Variants in UMAD1 observed in about 807,000 individuals in gnomAD.
The protein encoded by UMAD1 is UBAP1-MVB12-associated (UMA)-domain containing protein 1.
A neutral mutation model predicts 6.1 loss-of-function variants in UMAD1; 8 were observed. The ratio of observed to expected loss-of-function variants is 1.30; its 90% CI spans 0.76 to 2.35. The LOEUF (loss-of-function observed/expected upper bound fraction) is 2.35. Ranked by LOEUF, UMAD1 falls within the 30% of genes most tolerant of loss-of-function variation. The probability of loss-of-function intolerance (pLI) is 0.00; values close to 1 mark genes in which losing one functional copy is unlikely to be tolerated. For synonymous variants in UMAD1, 56 were observed against 31.4 expected (o/e 1.78, Z -2.61); for missense variants, 130 against 78.4 (o/e 1.66, Z -2.49).
chr7:7,848,408 A>G (rs1302350995), intron 3 of UMAD1, among the ~76,000 whole-genome samples: 1 of 152,128 alleles, frequency 6.6e-6, no homozygotes, highest in African/African-American at 2.4e-5. Flanking sequence ...TTCCTGCAGG[A>G]AGTCTTCACT....
At chr7:7,697,269 TTCTA>T (rs1780344007) in intron 2 of UMAD1, among the ~76,000 whole-genome samples, 1 of 152,372 alleles carries the variant, frequency 6.6e-6, no homozygotes, top group African/African-American at 2.4e-5. Flanking sequence ...GAATGATATC[TTCTA>T]TCTAATTATT....
chr7:7,810,236 A>G (rs1782996089), intron 3 of UMAD1, among the ~76,000 whole-genome samples: 1 of 152,064 alleles, frequency 6.6e-6, no homozygotes, highest in Non-Finnish European at 1.5e-5. Context: ...TACAAATATA[A>G]TGGATATTGC....
intron 3 of UMAD1, among the ~76,000 whole-genome samples, chr7:7,825,560 A>G (rs183410357): frequency 7.9e-5 from 12 of 152,260 alleles, no homozygotes; most frequent in Non-Finnish European, 1.2e-4. Context: ...ATCAGATCTC[A>G]TGAGACTTAT....
chr7:7,732,811 G>T (rs1781282405), intron 2 of UMAD1, among the ~76,000 whole-genome samples: 1 of 152,108 alleles, frequency 6.6e-6, no homozygotes, highest in South Asian at 2.1e-4. Context: ...TGAGTAGATG[G>T]GCACTAAAAC....
intron 3 of UMAD1, among the ~76,000 whole-genome samples, chr7:7,871,599 T>C (rs920140687): frequency 1.1e-4 from 16 of 152,208 alleles, no homozygotes; most frequent in Non-Finnish European, 2.2e-4. Flanking sequence ...TATATGCTAG[T>C]TGCTGTCTTG....
chr7:7,809,304 T>C (rs1481047369), intron 3 of UMAD1, among the ~76,000 whole-genome samples: 1 of 152,012 alleles, frequency 6.6e-6, no homozygotes, highest in Non-Finnish European at 1.5e-5. Flanking sequence ...CTTGAGTTCT[T>C]TTGAGCTAGG....
intron 1 of UMAD1, among the ~76,000 whole-genome samples, chr7:7,669,005 G>A (rs1312845119): frequency 6.6e-6 from 1 of 151,998 alleles, no homozygotes; most frequent in Non-Finnish European, 1.5e-5. Context: ...CTGGAGTACT[G>A]GGGAGAAAAC....
chr7:7,857,339 A>C (rs1485158214), intron 3 of UMAD1, among the ~76,000 whole-genome samples: 1 of 152,196 alleles, frequency 6.6e-6, no homozygotes, highest in African/African-American at 2.4e-5. Flanking sequence ...TTCAGGAATC[A>C]TGTTAAGTGG....
intron 2 of UMAD1, among the ~76,000 whole-genome samples, chr7:7,713,741 C>T (rs955453330): frequency 6.6e-6 from 1 of 152,046 alleles, no homozygotes; most frequent in Non-Finnish European, 1.5e-5. Flanking sequence ...CCCTGTATTT[C>T]CCTTTAAATG....
rs1784452201 is a variant in UMAD1 at position 7,877,763 on chromosome 7, T to C, written c.*225T>C. The C allele has an allele frequency of 2.0e-6, 1 of 500,366 alleles. No individual in the cohort carries two copies. The highest frequency in any genetic ancestry group is 3.5e-6 in the Non-Finnish European group (1 of 281,992). The allele number at this position is 500,366 out of a possible 1,614,324, so 31.0% of individuals were successfully genotyped here. A position where few individuals can be genotyped will look rare whatever the true frequency, so the allele number is the denominator to read the frequency against. Reference sequence around the variant, plus strand: ...TCTCCCATATAATAAATATACAAATTAGGCTATGAAGGTTTTAGGAAAGGA... The same window carrying C: ...TCTCCCATATAATAAATATACAAATCAGGCTATGAAGGTTTTAGGAAAGGA... On this transcript the variant is annotated 3_prime_UTR_variant, in exon 4 of 4. Transcript: ENST00000682710.
intron 1 of UMAD1, among the ~76,000 whole-genome samples, chr7:7,643,191 T>C (rs1785014491): frequency 6.6e-6 from 1 of 152,150 alleles, no homozygotes; most frequent in East Asian, 1.9e-4. Flanking sequence ...AAAATGTTAA[T>C]TGAATGTAGA....
intron 3 of UMAD1, among the ~76,000 whole-genome samples, chr7:7,816,701 T>C (rs527772354): frequency 1.3e-5 from 2 of 152,308 alleles, no homozygotes; most frequent in East Asian, 3.9e-4. Context: ...TATCTTTGAC[T>C]TCTTCCTCTT....
chr7:7,648,583 G>T (rs902628765), intron 1 of UMAD1, among the ~76,000 whole-genome samples: 2 of 152,142 alleles, frequency 1.3e-5, no homozygotes, highest in Non-Finnish European at 2.9e-5. Context: ...AGGGGAATTG[G>T]CTCACTCCTG....
At chr7:7,668,855 A>G (rs1056595680) in intron 1 of UMAD1, among the ~76,000 whole-genome samples, 5 of 152,198 alleles carry the variant, frequency 3.3e-5, no homozygotes, top group Non-Finnish European at 7.3e-5. Context: ...TAAGCCCTCA[A>G]GGCCTCAGGA....
rs1385843083 is a variant in UMAD1 at position 7,644,764 on chromosome 7, A to G, written c.-64+3943A>G. ...ATAGTGTAGCTTATCATAACTTTTG[A>G]TGTCTGGGGCTGTGTTCTCGGGAAT... On this transcript the variant is annotated intron_variant, in intron 1 of 3. Transcript: ENST00000682710. 2.6e-5 allele frequency among the ~76,000 whole-genome samples: 4 copies of G among 151,970 alleles called. No individual in the cohort carries two copies. The East Asian group carries it at 7.7e-4, about 29-fold the overall frequency.
At chr7:7,764,259 C>T (rs1347356326) in intron 2 of UMAD1, among the ~76,000 whole-genome samples, 1 of 152,044 alleles carries the variant, frequency 6.6e-6, no homozygotes, top group Non-Finnish European at 1.5e-5. Flanking sequence ...AGTGTTAAGA[C>T]CACATTTGTC....
chr7:7,668,075 G>C (rs9640047), intron 1 of UMAD1, among the ~76,000 whole-genome samples: 90,740 of 151,724 alleles, frequency 0.6, 27,278 homozygotes, highest in East Asian at 0.8. Context: ...CACCACCACA[G>C]CTGGCTAATT....
intron 3 of UMAD1, among the ~76,000 whole-genome samples, chr7:7,806,737 G>A (rs1293614344): frequency 6.6e-6 from 1 of 152,010 alleles, no homozygotes; most frequent in Admixed American, 6.5e-5. Flanking sequence ...AATTCAGTTA[G>A]CTTTAAATAT....
chr7:7,680,158 T>G (rs1240136231), intron 2 of UMAD1, among the ~76,000 whole-genome samples: 1 of 152,154 alleles, frequency 6.6e-6, no homozygotes, highest in African/African-American at 2.4e-5. Flanking sequence ...TTTCTTCTAG[T>G]AGTTTCGTAG....
Sources: gnomAD v4.1 joint callset for allele counts (sites outside exome capture counted in the v4.1 genomes callset) on GRCh38, gnomAD v4.1.1 for gene constraint, MANE v1.5 for transcripts, NCBI Gene and HGNC (gene_info 2026-07-23, HGNC 2026-07-21) for gene names.